The following PAH variants were observed in gnomAD, a reference collection of about 807,000 sequenced individuals.
The protein encoded by PAH is phenylalanine-4-hydroxylase.
Under a neutral mutation model 62.0 loss-of-function variants are expected in PAH, and 64 were observed. That is an observed-to-expected ratio of 1.03 (90% CI 0.84 to 1.27). The LOEUF (loss-of-function observed/expected upper bound fraction) is 1.27. PAH is among the 50% of genes most tolerant of loss of function. The pLI, the probability that PAH is intolerant of heterozygous loss-of-function variation, is 0.00. For synonymous variants in PAH, 195 were observed against 196.2 expected (o/e 0.99, Z 0.05); for missense variants, 579 against 542.8 (o/e 1.07, Z -0.66).
chr12:102,947,668 T>A (rs1248516603), intron 1 of PAH, among the ~76,000 whole-genome samples: 1 of 152,164 alleles, frequency 6.6e-6, no homozygotes, highest in Non-Finnish European at 1.5e-5. Context: ...GCCAGATGCA[T>A]TGAGATGATC....
intron 1 of PAH, among the ~76,000 whole-genome samples, chr12:102,939,130 C>A (rs1879204696): frequency 6.6e-6 from 1 of 151,996 alleles, no homozygotes; most frequent in Non-Finnish European, 1.5e-5. Flanking sequence ...AGGCAGAAAC[C>A]CCCACTTGGG....
intron 3 of PAH, among the ~76,000 whole-genome samples, chr12:102,893,635 A>C (rs1443391389): frequency 6.6e-6 from 1 of 152,170 alleles, no homozygotes; most frequent in Non-Finnish European, 1.5e-5. Context: ...AGCCCTATGA[A>C]AAATTGAGGT....
intron 1 of PAH, among the ~76,000 whole-genome samples, chr12:102,932,437 G>T (rs905593154): frequency 6.6e-6 from 1 of 152,178 alleles, no homozygotes; most frequent in Non-Finnish European, 1.5e-5. Flanking sequence ...AGTTGCTTGA[G>T]GCTAGGAAGA....
At chr12:102,863,464 T>G (rs2136659442) in intron 5 of PAH, among the ~76,000 whole-genome samples, 2 of 152,254 alleles carry the variant, frequency 1.3e-5, no homozygotes, top group Middle Eastern at 3.4e-3. Flanking sequence ...CCTTCAGAAG[T>G]GGGCATGTGA....
intron 1 of PAH, among the ~76,000 whole-genome samples, chr12:102,929,474 G>A (rs951497072): frequency 6.6e-6 from 1 of 152,174 alleles, no homozygotes; most frequent in African/African-American, 2.4e-5. Context: ...AGAAACAATG[G>A]GGAACTTGGT....
intron 5 of PAH, among the ~76,000 whole-genome samples, chr12:102,861,773 T>C (rs902705441): frequency 2.6e-5 from 4 of 152,054 alleles, no homozygotes; most frequent in East Asian, 1.9e-4. Flanking sequence ...TAGGTGGGAA[T>C]TGAACAATGA....
At chr12:102,867,910 CATGTATATACATATAT>C (rs1876060878) in intron 4 of PAH, among the ~76,000 whole-genome samples, 1 of 137,406 alleles carries the variant, frequency 7.3e-6, no homozygotes, top group Non-Finnish European at 1.6e-5. Flanking sequence ...TGTATATATA[CATGTATATACATATAT>C]AGATGTATAT....
chr12:102,955,365 T>C (rs1448524506), upstream of PAH, among the ~76,000 whole-genome samples: 1 of 150,754 alleles, frequency 6.6e-6, no homozygotes, highest in Non-Finnish European at 1.5e-5. Context: ...ATCAGAAAAC[T>C]GAGGCCAGTA....
intron 5 of PAH, 83 bp from the exon 6 acceptor site, chr12:102,855,415 G>C: frequency 9.5e-7 from 1 of 1,055,770 alleles, no homozygotes; most frequent in Admixed American, 1.9e-5. Context: ...GGGAGTCGGG[G>C]ACCAGAACCT....
intron 4 of PAH, among the ~76,000 whole-genome samples, chr12:102,874,300 C>A (rs1324337098): frequency 6.6e-6 from 1 of 152,182 alleles, no homozygotes; most frequent in East Asian, 1.9e-4. Context: ...TGGATTCTGC[C>A]TGCCAAGTTT....
intron 9 of PAH, among the ~76,000 whole-genome samples, chr12:102,845,229 T>C (rs1874784011): frequency 6.6e-6 from 1 of 152,168 alleles, no homozygotes. Flanking sequence ...ATGTAAAGCA[T>C]GATGGAAAAT....
intron 3 of PAH, among the ~76,000 whole-genome samples, chr12:102,888,958 G>A (rs1877153055): frequency 2.0e-5 from 3 of 152,062 alleles, no homozygotes; most frequent in African/African-American, 7.3e-5. Context: ...GTTTAGAACT[G>A]AGAAGAGGGC....
intron 9 of PAH, among the ~76,000 whole-genome samples, chr12:102,845,768 G>C (rs1874812546): frequency 6.6e-6 from 1 of 152,144 alleles, no homozygotes; most frequent in Non-Finnish European, 1.5e-5. Context: ...AGCCCAGGAA[G>C]GTAAGGCAAC....
intron 2 of PAH, among the ~76,000 whole-genome samples, chr12:102,904,464 G>A (rs1032603551): frequency 6.6e-6 from 1 of 152,180 alleles, no homozygotes; most frequent in Non-Finnish European, 1.5e-5. Context: ...ACATTGAACA[G>A]GTTTCCTCCC....
At chr12:102,855,503 CATT>C (rs1170015768) in intron 5 of PAH, among the ~76,000 whole-genome samples, 171 bp from the exon 6 acceptor site, 8 of 152,122 alleles carry the variant, frequency 5.3e-5, no homozygotes, top group Admixed American at 1.3e-4. Context: ...ATATAGGAAA[CATT>C]GTTGTTTTGA....
At chr12:102,905,235 G>A (rs1877929810) in intron 2 of PAH, among the ~76,000 whole-genome samples, 1 of 152,132 alleles carries the variant, frequency 6.6e-6, no homozygotes, top group African/African-American at 2.4e-5. Flanking sequence ...CTACTATAAT[G>A]TTTGGAACCA....
chr12:102,893,870 C>A (rs950502571), intron 3 of PAH, among the ~76,000 whole-genome samples: 4 of 152,126 alleles, frequency 2.6e-5, no homozygotes, highest in African/African-American at 9.7e-5. Context: ...TGCAGAGCAC[C>A]TGTGTACCAA....
Position 102,894,798 on chromosome 12 carries a change from T to A in PAH, c.289A>T (p.Ile97Phe). The A allele has an allele frequency of 6.2e-7, 1 of 1,614,064 alleles. No homozygotes were observed. The highest frequency in any genetic ancestry group is 8.5e-7 in the Non-Finnish European group (1 of 1,179,978). ...SLPALTNIIKILRHDIGATVH... is the reference protein window; with the variant it reads ...SLPALTNIIKFLRHDIGATVH... ...GTGGCACCAATGTCATGCCTCAAGATCTTGATGATGTTTGTCAGAGCAGGC... is the reference window on the plus strand; with the variant it reads ...GTGGCACCAATGTCATGCCTCAAGAACTTGATGATGTTTGTCAGAGCAGGC... The change falls in exon 3 of 13, where the codon ATC becomes TTC. Residue 97 changes from isoleucine (I) to phenylalanine (F), a missense_variant. Transcript: ENST00000553106.
chr12:102,949,502 C>T (rs1315182124), intron 1 of PAH, among the ~76,000 whole-genome samples: 2 of 152,152 alleles, frequency 1.3e-5, no homozygotes, highest in African/African-American at 2.4e-5. Context: ...GCCTGAGAGA[C>T]GATGAGCAAC....
Sources: allele counts gnomAD v4.1 joint callset (sites outside exome capture counted in the v4.1 genomes callset), GRCh38; gene constraint gnomAD v4.1.1; transcripts MANE v1.5; gene names NCBI Gene and HGNC (gene_info 2026-07-23, HGNC 2026-07-21).